CT55: variants seen among roughly 807,000 people sequenced by gnomAD.
The protein encoded by CT55 is cancer/testis antigen 55.
A neutral mutation model predicts 12.6 loss-of-function variants in CT55; 1 was observed. The ratio of observed to expected loss-of-function variants is 0.08; its 90% CI spans 0.03 to 0.38. CT55 has a LOEUF of 0.38. Among genes scored for constraint, CT55 ranks in the 10% least tolerant of loss-of-function variants. CT55 has a pLI of 0.99. For missense variants in CT55, 109 were observed against 135.4 expected, an observed-to-expected ratio of 0.80 and a Z score of 0.97; for synonymous variants, 43 against 49.7, an observed-to-expected ratio of 0.87 and a Z score of 0.57.
intron 2 of CT55, among the ~76,000 whole-genome samples, chrX:135,165,714 T>C (rs782503238): frequency 1.8e-5 from 2 of 110,130 alleles, no homozygotes; most frequent in East Asian, 5.7e-4. Context: ...TTCAAATAAC[T>C]AAAATCAAAG....
At chrX:135,166,315 A>G (rs1235540909) in intron 2 of CT55, among the ~76,000 whole-genome samples, 1 of 111,678 alleles carries the variant, frequency 9.0e-6, no homozygotes, top group Admixed American at 9.5e-5. Context: ...ACACAAATCA[A>G]TAAATGTGCT....
chrX:135,158,508 T>C (rs182128508), intron 3 of CT55, among the ~76,000 whole-genome samples, 197 bp from the exon 4 acceptor site: 23 of 112,766 alleles, frequency 2.0e-4, no homozygotes, highest in Non-Finnish European at 3.6e-4. Flanking sequence ...GATTCTCCTC[T>C]ACTGATTTAA....
In CT55 at chrX:135,171,204, C is replaced by T. The variant is rs375988349; in HGVS notation, c.-33G>A. On this transcript the variant is annotated 5_prime_UTR_variant, in exon 1 of 6. Coordinates refer to ENST00000276241, the MANE Select transcript of CT55 (RefSeq NM_001031705.3). ...GTTGTCACCACCGGCCTGGGCACCGCTTGTGGCAGATGAAGCACGAGGCCT... is the reference window on the plus strand; with the variant it reads ...GTTGTCACCACCGGCCTGGGCACCGTTTGTGGCAGATGAAGCACGAGGCCT... The T allele has an allele frequency of 9.0e-5, 109 of 1,207,289 alleles. No individual in the cohort carries two copies. The highest frequency in any genetic ancestry group is 1.2e-4 in the Non-Finnish European group (109 of 893,529).
Position 135,160,407 on chromosome X carries a change from A to G in CT55, c.424+4T>C. On this transcript the variant is annotated splice_donor_region_variant and intron_variant, in intron 3 of 5. Transcript: ENST00000276241. ...CATCATATATTTCAAAATATAAATCATACCTTCAGAAACAATGGCTATGGA... is the reference window on the plus strand; with the variant it reads ...CATCATATATTTCAAAATATAAATCGTACCTTCAGAAACAATGGCTATGGA... 4 of 1,152,340 alleles carry G rather than the reference A, an allele frequency of 3.5e-6. No homozygotes were observed. Among genetic ancestry groups the G allele is most frequent in the Non-Finnish European group, 4.6e-6 (4 of 864,487 alleles). 95.0% of individuals were successfully genotyped at this position (1,152,340 alleles called of 1,213,427 possible).
At chrX:135,168,310 A>G (rs1350161276) in intron 2 of CT55, among the ~76,000 whole-genome samples, 5 of 112,175 alleles carry the variant, frequency 4.5e-5, no homozygotes, top group African/African-American at 1.6e-4. Flanking sequence ...ATGAACCTGG[A>G]GAATGATATG....
intron 2 of CT55, among the ~76,000 whole-genome samples, chrX:135,169,194 T>C (rs2083599658): frequency 8.9e-6 from 1 of 112,543 alleles, no homozygotes; most frequent in Non-Finnish European, 1.9e-5. Flanking sequence ...GAGAGTTTTG[T>C]GGTTGGTGAA....
intron 2 of CT55, among the ~76,000 whole-genome samples, chrX:135,164,670 T>C (rs1436585799): frequency 2.7e-5 from 3 of 111,006 alleles, no homozygotes; most frequent in Admixed American, 9.5e-5. Context: ...ACAAAAACAA[T>C]CAAACCTATG....
intron 2 of CT55, among the ~76,000 whole-genome samples, chrX:135,164,922 A>G (rs1343952346): frequency 8.9e-6 from 1 of 112,121 alleles, no homozygotes; most frequent in African/African-American, 3.2e-5. Context: ...GCAGCACCTA[A>G]ATATATGAAG....
rs142268429 is a variant in CT55 at position 135,168,996 on chromosome X, C to T, written c.279+598G>A. Among the ~76,000 whole-genome samples the T allele has an allele frequency of 2.3e-3, 261 of 111,989 alleles. 2 individuals are homozygous for T. In the East Asian group the frequency reaches 0.028, roughly 12 times the overall value. On this transcript the variant is annotated intron_variant, in intron 2 of 5. Transcript: ENST00000276241. ...TCTCATATGTGCAAAGATTTCAGATCGATAGTATTGTTGTCCTTGCCTATA... is the reference window on the plus strand; with the variant it reads ...TCTCATATGTGCAAAGATTTCAGATTGATAGTATTGTTGTCCTTGCCTATA...
intron 2 of CT55, among the ~76,000 whole-genome samples, chrX:135,161,715 T>C (rs1343036599): frequency 8.9e-6 from 1 of 112,533 alleles, no homozygotes; most frequent in African/African-American, 3.2e-5. Flanking sequence ...GATGGAAACT[T>C]GAGCCACTGA....
At chrX:135,169,296 G>GT (rs1334777941) in intron 2 of CT55, among the ~76,000 whole-genome samples, 12 of 112,104 alleles carry the variant, frequency 1.1e-4, no homozygotes, top group African/African-American at 2.9e-4. Flanking sequence ...TACAGAAAAT[G>GT]TTTTTTTACC....
At chrX:135,158,403 G>C (rs2083546783) in intron 3 of CT55, 92 bp from the exon 4 acceptor site, 2 of 510,871 alleles carry the variant, frequency 3.9e-6, no homozygotes, top group African/African-American at 4.7e-5. Flanking sequence ...CTACTTTAAA[G>C]TCAGTTCTGC....
At chrX:135,166,320 T>C (rs1316429402) in intron 2 of CT55, among the ~76,000 whole-genome samples, 4 of 111,404 alleles carry the variant, frequency 3.6e-5, no homozygotes, top group African/African-American at 1.3e-4. Flanking sequence ...AATCAATAAA[T>C]GTGCTATATC....
At chrX:135,158,513 A>T (rs1317292549) in intron 3 of CT55, among the ~76,000 whole-genome samples, 2 of 112,710 alleles carry the variant, frequency 1.8e-5, no homozygotes, top group African/African-American at 6.4e-5. Context: ...TCCTCTACTG[A>T]TTTAACAAAT....
At chrX:135,161,490 T>C (rs1389623283) in intron 2 of CT55, among the ~76,000 whole-genome samples, 1 of 112,245 alleles carries the variant, frequency 8.9e-6, no homozygotes, top group African/African-American at 3.2e-5. Context: ...TGGTATTCAG[T>C]GTTAAAGTAT....
At chrX:135,164,766 AAG>A (rs1440774452) in intron 2 of CT55, among the ~76,000 whole-genome samples, 1 of 112,271 alleles carries the variant, frequency 8.9e-6, no homozygotes, top group Non-Finnish European at 1.9e-5. Flanking sequence ...GGGAAACCAA[AAG>A]AGAGCAGGAG....
At chrX:135,159,207 T>C (rs1165932218) in intron 3 of CT55, among the ~76,000 whole-genome samples, 3 of 100,570 alleles carry the variant, frequency 3.0e-5, no homozygotes, top group African/African-American at 1.1e-4. Context: ...GTTAGACCTG[T>C]TCTCTCTCTC....
chrX:135,159,480 A>G (rs1556404749), intron 3 of CT55, among the ~76,000 whole-genome samples: 1 of 111,104 alleles, frequency 9.0e-6, no homozygotes, highest in Non-Finnish European at 1.9e-5. Context: ...CAAATCAAAA[A>G]CTTTGGAGGT....
intron 2 of CT55, among the ~76,000 whole-genome samples, chrX:135,167,903 C>T (rs781793426): frequency 9.0e-6 from 1 of 111,099 alleles, no homozygotes; most frequent in African/African-American, 3.3e-5. Flanking sequence ...TACCGAGTCA[C>T]GCATGTTAGA....
Sources: gnomAD v4.1 joint callset for allele counts (sites outside exome capture counted in the v4.1 genomes callset) on GRCh38, gnomAD v4.1.1 for gene constraint, MANE v1.5 for transcripts, NCBI Gene and HGNC (gene_info 2026-07-23, HGNC 2026-07-21) for gene names.